The following APTX variants were observed in gnomAD, a reference collection of about 807,000 sequenced individuals.
The protein encoded by APTX is forkhead-associated domain histidine triad-like protein.
A neutral mutation model predicts 42.3 loss-of-function variants in APTX; 33 were observed. The ratio of observed to expected loss-of-function variants is 0.78; its 90% CI spans 0.59 to 1.04. The LOEUF is 1.04. APTX is among the 50% of genes least tolerant of loss of function. APTX has a pLI of 0.00. For synonymous variants in APTX, 130 were observed against 146.7 expected, an observed-to-expected ratio of 0.89 and a Z score of 0.82; for missense variants, 421 against 415.1, an observed-to-expected ratio of 1.01 and a Z score of -0.12.
intron 1 of APTX, among the ~76,000 whole-genome samples, chr9:32,994,906 T>C (rs1834464494): frequency 6.6e-6 from 1 of 152,216 alleles, no homozygotes; most frequent in South Asian, 2.1e-4. Flanking sequence ...AGAATTATAC[T>C]CAGTCCACTC....
intron 1 of APTX, chr9:33,001,216 T>A: frequency 8.6e-7 from 1 of 1,162,762 alleles, no homozygotes; most frequent in Non-Finnish European, 1.1e-6. Context: ...CAAGTGCCTT[T>A]CACGAAGCAT....
At chr9:32,991,215 C>A (rs1363893779) in intron 1 of APTX, among the ~76,000 whole-genome samples, 3 of 152,086 alleles carry the variant, frequency 2.0e-5, no homozygotes, top group Admixed American at 6.6e-5. Context: ...CATGAGCCAC[C>A]GTGCCCGGCC....
At chr9:33,020,816 A>G (rs549111378) in intron 1 of APTX, among the ~76,000 whole-genome samples, 211 of 152,366 alleles carry the variant, frequency 1.4e-3, no homozygotes, top group Non-Finnish European at 2.0e-3. Flanking sequence ...TACCTCTATG[A>G]ACACTTACGG....
At chr9:33,015,600 G>T (rs1461899621) in intron 1 of APTX, among the ~76,000 whole-genome samples, 1 of 152,084 alleles carries the variant, frequency 6.6e-6, no homozygotes, top group Non-Finnish European at 1.5e-5. Flanking sequence ...CTCATGATCT[G>T]CCTGCCTCAG....
chr9:33,004,537 G>T (rs1462622990), upstream of APTX, among the ~76,000 whole-genome samples: 1 of 151,792 alleles, frequency 6.6e-6, no homozygotes, highest in East Asian at 1.9e-4. Context: ...ATATTTTGAG[G>T]AACTGTCACA....
intron 2 of APTX, chr9:32,989,551 T>C: frequency 1.3e-6 from 1 of 766,916 alleles, no homozygotes; most frequent in Non-Finnish European, 2.2e-6. Flanking sequence ...GCTCCCAACC[T>C]TCACCCACCC....
chr9:33,024,962 G>A (rs1348552711), intron 1 of APTX: 2 of 151,394 alleles, frequency 1.3e-5, no homozygotes, highest in African/African-American at 4.9e-5. Flanking sequence ...CGCGGGCCCA[G>A]GCGGCCACCC....
intron 6 of APTX, among the ~76,000 whole-genome samples, chr9:32,978,518 G>C (rs538328435): frequency 1.0e-3 from 154 of 152,250 alleles, no homozygotes; most frequent in African/African-American, 3.5e-3. Flanking sequence ...AGAAGGTCAA[G>C]GAGAAATTTT....
chr9:33,006,804 T>G (rs995976654), intron 1 of APTX, among the ~76,000 whole-genome samples: 6 of 151,380 alleles, frequency 4.0e-5, no homozygotes, highest in African/African-American at 1.5e-4. Flanking sequence ...ATCGAGACCA[T>G]CCTGGCTAAC....
chr9:33,002,646 G>C (rs1470490669), upstream of APTX, among the ~76,000 whole-genome samples: 4 of 152,188 alleles, frequency 2.6e-5, no homozygotes, highest in Non-Finnish European at 5.9e-5. Flanking sequence ...CTGCTGTTTG[G>C]AGTTGAGCCT....
intron 6 of APTX, among the ~76,000 whole-genome samples, chr9:32,983,255 A>G (rs528829208): frequency 9.2e-5 from 14 of 152,222 alleles, no homozygotes; most frequent in Non-Finnish European, 5.9e-5. Context: ...GACCCAAAAA[A>G]GCCAGACCAA....
intron 1 of APTX, among the ~76,000 whole-genome samples, chr9:32,994,347 ATCC>A (rs1427626754): frequency 1.3e-5 from 2 of 152,102 alleles, no homozygotes; most frequent in Non-Finnish European, 2.9e-5. Context: ...CCCTGCCCTG[ATCC>A]ATCTCAAGTC....
chr9:32,998,034 C>T (rs774731704), intron 1 of APTX, among the ~76,000 whole-genome samples: 14 of 152,108 alleles, frequency 9.2e-5, no homozygotes, highest in Admixed American at 2.6e-4. Context: ...GAGAAGACTG[C>T]ACAGATTTGA....
At chr9:33,024,837 A>T (rs1838724051) in intron 1 of APTX, 1 of 125,842 alleles carries the variant, frequency 7.9e-6, no homozygotes, top group South Asian at 2.8e-4. Flanking sequence ...CCACGTTCCC[A>T]AAAAGAGAAG....
At chr9:33,023,946 A>G (rs1838621462) in intron 1 of APTX, among the ~76,000 whole-genome samples, 1 of 152,204 alleles carries the variant, frequency 6.6e-6, no homozygotes, top group Admixed American at 6.5e-5. Context: ...AAAACATCAT[A>G]TTCTTCCACA....
chr9:32,974,834 A>G (rs559722670), intron 6 of APTX, among the ~76,000 whole-genome samples: 3 of 152,336 alleles, frequency 2.0e-5, no homozygotes, highest in Admixed American at 6.5e-5. Flanking sequence ...CTGCCCTTAT[A>G]GAAATTGTAC....
chr9:32,976,534 T>C (rs1001006800), intron 6 of APTX, among the ~76,000 whole-genome samples: 3 of 152,240 alleles, frequency 2.0e-5, no homozygotes, highest in Non-Finnish European at 2.9e-5. Flanking sequence ...ACAGCTTTAA[T>C]GATTTATACA....
chr9:32,989,622 G>T, intron 2 of APTX, 137 bp downstream of exon 2: 1 of 1,323,102 alleles, frequency 7.6e-7, no homozygotes, highest in Non-Finnish European at 1.1e-6. Flanking sequence ...CCTGGTGTTG[G>T]CTAAAAGAGC....
intron 1 of APTX, chr9:33,019,792 G>T (rs910026849): frequency 4.9e-6 from 3 of 612,728 alleles, no homozygotes; most frequent in Non-Finnish European, 8.5e-6. Flanking sequence ...TTCGGAGCAG[G>T]CAACAGTCTT....
Sources: gnomAD v4.1 joint callset for allele counts (sites outside exome capture counted in the v4.1 genomes callset) on GRCh38, gnomAD v4.1.1 for gene constraint, MANE v1.5 for transcripts, NCBI Gene and HGNC (gene_info 2026-07-23, HGNC 2026-07-21) for gene names.